CUL9: variants seen among roughly 807,000 people sequenced by gnomAD.
CUL9 encodes cullin 9.
CUL9 carries 79 observed loss-of-function variants against 272.6 expected under a neutral mutation model. The ratio of observed to expected loss-of-function variants is 0.29; its 90% CI spans 0.24 to 0.35. The LOEUF is 0.35. Ranked by LOEUF, CUL9 falls within the 10% of genes least tolerant of loss-of-function variation. The pLI is 1.00. For missense variants in CUL9, 2,532 were observed against 3,255.6 expected, an observed-to-expected ratio of 0.78 and a Z score of 5.41; for synonymous variants, 1,186 against 1,286.5, an observed-to-expected ratio of 0.92 and a Z score of 1.67.
chr6:43,203,547 G>A lies in CUL9; in HGVS notation c.3980G>A (p.Arg1327Gln), dbSNP rs751503492. The change falls in exon 19 of 41, where the codon CGG (arginine) becomes CAG (glutamine). Residue 1327 changes from arginine to glutamine, a missense_variant. By Grantham distance (43) the Arg-to-Gln change is conservative (BLOSUM62 1). Transcript: ENST00000252050. This position sits in a 1 kb window ranked among gnomAD's most constrained non-coding sequence, Gnocchi z 5.0. ...ACAATTCGGGCACAAGCCTGGAGCC[G>A]GGACATAGCAGAGGACCACCGGCGC... is the stretch of plus-strand genomic sequence containing the variant. Reference protein sequence around the residue: ...FYTIRAQAWSRDIAEDHRRLL... With the variant: ...FYTIRAQAWSQDIAEDHRRLL... The A allele has an allele frequency of 1.6e-5, 26 of 1,613,720 alleles. No homozygotes were observed. The highest frequency in any genetic ancestry group is 4.5e-5 in the East Asian group (2 of 44,884).
At chr6:43,205,570 C>A in intron 24 of CUL9, 147 bp downstream of exon 24, 1 of 881,938 alleles carries the variant, frequency 1.1e-6, no homozygotes, top group Non-Finnish European at 1.7e-6. Context: ...GTGGCTCACG[C>A]ATGTAATCCC....
rs1159680247 is a variant in CUL9 at position 43,187,843 on chromosome 6, A to G, written c.1712A>G (p.Lys571Arg). 3.1e-6 allele frequency: 5 copies of G among 1,613,900 alleles called. No homozygotes were observed. The highest frequency in any genetic ancestry group is 1.7e-5 in the Admixed American group (1 of 59,990). ...NDLLNSQIYT[K>R]YGLLSNEPSS... The stretch of plus-strand genomic sequence containing the variant: ...CTGCTCAACTCCCAGATCTACACCA[A>G]GTATGGGCTGCTGTCTAATGAACCA... The change falls in exon 7 of 41, where the codon AAG (lysine) becomes AGG (arginine). Residue 571 changes from lysine (K) to arginine (R), a missense_variant. Physicochemically the swap from Lys to Arg is conservative, Grantham distance 26 (BLOSUM62 2). This residue lies in a region of CUL9 where 2,218 missense variants were observed against 2,788.6 expected (regional missense o/e 0.80). Coordinates refer to ENST00000252050, the MANE Select transcript of CUL9 (RefSeq NM_015089.4).
chr6:43,198,877 C>T (rs773061222), intron 12 of CUL9, 22 bp downstream of exon 12: 1 of 1,605,772 alleles, frequency 6.2e-7, no homozygotes, highest in Non-Finnish European at 8.5e-7. Flanking sequence ...GTTGAGGCAC[C>T]ATGCATTGGG....
At chr6:43,198,504 A>G in intron 11 of CUL9, 105 bp from the exon 12 acceptor site, 1 of 1,533,814 alleles carries the variant, frequency 6.5e-7, no homozygotes, top group Non-Finnish European at 8.8e-7. Context: ...TCCTCAATAT[A>G]GAAGGAAAAT....
chr6:43,221,823 G>A lies in CUL9; in HGVS notation c.6846+45G>A, dbSNP rs766989104. Reference sequence around the variant, plus strand: ...GGGAGGGCAGAGGCCCAGAGCCGTCGGGGAGGGGTGCTGCTACCAGGTCCT... The same window carrying A: ...GGGAGGGCAGAGGCCCAGAGCCGTCAGGGAGGGGTGCTGCTACCAGGTCCT... On this transcript the variant is annotated intron_variant, in intron 35 of 40. Coordinates refer to ENST00000252050, the MANE Select transcript of CUL9 (RefSeq NM_015089.4). This position sits in a 1 kb window ranked among gnomAD's most constrained non-coding sequence, Gnocchi z 4.2. 147 of 1,542,158 alleles carry A rather than the reference G, an allele frequency of 9.5e-5. No individual in the cohort carries two copies. The highest frequency in any genetic ancestry group is 1.2e-4 in the Non-Finnish European group (139 of 1,126,896).
In CUL9 at chr6:43,221,005, T is replaced by C. The variant is rs1182851400; in HGVS notation, c.6588+94T>C. The C allele has an allele frequency of 1.6e-5, 24 of 1,484,174 alleles. No homozygotes were observed. Among genetic ancestry groups the C allele is most frequent in the Admixed American group, 2.2e-5 (1 of 46,502 alleles). The allele number at this position is 1,484,174 out of a possible 1,614,324, so 91.9% of individuals were successfully genotyped here. On this transcript the variant is annotated intron_variant, in intron 33 of 40. Transcript: ENST00000252050. This position sits in a 1 kb window ranked among gnomAD's most constrained non-coding sequence, Gnocchi z 4.2. The stretch of plus-strand genomic sequence containing the variant: ...CCCGCCACACACACAGACTGTGACT[T>C]GTCCTTCCTCAGCCTCTGCCACCCA...
At chr6:43,204,593 G>C (rs1582377360) in intron 21 of CUL9, 54 bp downstream of exon 21, 1 of 1,605,756 alleles carries the variant, frequency 6.2e-7, no homozygotes, top group Admixed American at 1.7e-5. Flanking sequence ...GGTGTATCTG[G>C]CTCCCTCCTC....
Position 43,185,363 on chromosome 6 carries a change from T to G in CUL9, c.596-93T>G. On this transcript the variant is annotated intron_variant, in intron 2 of 40. Coordinates refer to ENST00000252050, the MANE Select transcript of CUL9 (RefSeq NM_015089.4). ...TTCTGTGAGCCTTAGTAACAAAGTT[T>G]GAAAGCGTCTGGGGTAGGAGATAGA... The G allele has an allele frequency of 6.6e-6, 9 of 1,361,662 alleles. No homozygotes were observed. The East Asian group carries it at 1.4e-4, about 21-fold the overall frequency. The allele number at this position is 1,361,662 out of a possible 1,614,324, so 84.3% of individuals were successfully genotyped here.
At position 43,220,038 on chromosome 6, in the gene CUL9, G is replaced by T. The variant is rs141022177; in HGVS notation, c.6283-421G>T. On this transcript the variant is annotated intron_variant, in intron 31 of 40. Coordinates refer to ENST00000252050, the MANE Select transcript of CUL9 (RefSeq NM_015089.4). The surrounding 1 kb of genome is among the most constrained non-coding windows in gnomAD (Gnocchi z 4.9). Reference sequence around the variant, plus strand: ...CAGGAGCATCCGGACGGTCATTGGAGATAAGCCACTGGAGCTGGGAGGAGA... The same window carrying T: ...CAGGAGCATCCGGACGGTCATTGGATATAAGCCACTGGAGCTGGGAGGAGA... 6.6e-6 allele frequency among the ~76,000 whole-genome samples: 1 copy of T among 152,286 alleles called. No homozygotes were observed. The highest frequency in any genetic ancestry group is 1.5e-5 in the Non-Finnish European group (1 of 68,020).
Position 43,220,937 on chromosome 6 carries a change from C to T in CUL9, c.6588+26C>T, listed in dbSNP as rs1776311880. 2 of 1,583,132 alleles carry T rather than the reference C, an allele frequency of 1.3e-6. No homozygotes were observed. Among genetic ancestry groups the T allele is most frequent in the Non-Finnish European group, 1.7e-6 (2 of 1,163,182 alleles). ...GTGGGAGCCCCACACTGGCCCTGACCCTGAGCAAGGATTCACACTCCTTCC... is the reference window on the plus strand; with the variant it reads ...GTGGGAGCCCCACACTGGCCCTGACTCTGAGCAAGGATTCACACTCCTTCC... On this transcript the variant is annotated intron_variant, in intron 33 of 40. Transcript: ENST00000252050. This position sits in a 1 kb window ranked among gnomAD's most constrained non-coding sequence, Gnocchi z 4.9.
At position 43,204,341 on chromosome 6, in the gene CUL9, C is replaced by G; in HGVS notation, c.4160-19C>G. On this transcript the variant is annotated intron_variant, in intron 20 of 40. Coordinates refer to ENST00000252050, the MANE Select transcript of CUL9 (RefSeq NM_015089.4). ...TCCCATCTCCCATGGAGACCTGTTC[C>G]TGACCTGTCTTCTTTCAGATGCGGA... 3 of 1,612,842 alleles carry G rather than the reference C, an allele frequency of 1.9e-6. No homozygotes were observed. Among genetic ancestry groups the G allele is most frequent in the African/African-American group, 1.3e-5 (1 of 75,032 alleles).
rs1273286801 is a variant in CUL9 at position 43,221,329 on chromosome 6, G to C, written c.6752+8G>C. ...GAACGAGGGGTGCCTGCAGTAAGAA[G>C]GGGGGTACTGTGGGGAGCCAGAGGG... On this transcript the variant is annotated splice_region_variant and intron_variant, in intron 34 of 40. Transcript: ENST00000252050. The surrounding 1 kb of genome is among the most constrained non-coding windows in gnomAD (Gnocchi z 4.2). The C allele has an allele frequency of 2.1e-5, 34 of 1,598,926 alleles. No homozygotes were observed. The highest frequency in any genetic ancestry group is 2.7e-5 in the African/African-American group (2 of 74,194).
At chr6:43,195,242 T>C (rs1472193673) in intron 9 of CUL9, among the ~76,000 whole-genome samples, 2 of 152,218 alleles carry the variant, frequency 1.3e-5, no homozygotes, top group Non-Finnish European at 2.9e-5. Context: ...CCAGTCCATC[T>C]CTCATGGGTT....
Position 43,223,178 on chromosome 6 carries a change from T to G in CUL9, c.7151-86T>G. 1.4e-6 allele frequency: 2 copies of G among 1,480,244 alleles called. No individual in the cohort carries two copies. The highest frequency in any genetic ancestry group is 1.8e-6 in the Non-Finnish European group (2 of 1,101,086). 91.7% of individuals were successfully genotyped at this position (1,480,244 alleles called of 1,614,324 possible). On this transcript the variant is annotated intron_variant, in intron 38 of 40. Transcript: ENST00000252050. This position sits in a 1 kb window ranked among gnomAD's most constrained non-coding sequence, Gnocchi z 4.1. ...AATGTCTAGAGCTGCACCTGGTGCT[T>G]GGTAGACGTTCCATAGGTGTTTGTT...
intron 4 of CUL9, among the ~76,000 whole-genome samples, chr6:43,186,666 C>T (rs969230346): frequency 6.6e-6 from 1 of 152,044 alleles, no homozygotes; most frequent in African/African-American, 2.4e-5. Context: ...TCATGGGAGA[C>T]TCACCCAGGA....
In CUL9 at chr6:43,223,070, T is replaced by C. The variant is rs955926138; in HGVS notation, c.7150+174T>C. On this transcript the variant is annotated intron_variant, in intron 38 of 40. Coordinates refer to ENST00000252050, the MANE Select transcript of CUL9 (RefSeq NM_015089.4). The surrounding 1 kb of genome is among the most constrained non-coding windows in gnomAD (Gnocchi z 4.1). The stretch of plus-strand genomic sequence containing the variant: ...TAAAGCTCAGGTCGAAAGCCTACAT[T>C]GTAAGGTGCCCAAGGGCGCAGATGT... The C allele has an allele frequency of 2.1e-6, 2 of 930,564 alleles. No individual in the cohort carries two copies. The highest frequency in any genetic ancestry group is 5.2e-5 in the East Asian group (2 of 38,108). 57.6% of individuals were successfully genotyped at this position (930,564 alleles called of 1,614,324 possible).
rs1178009443 is a variant in CUL9, at chr6:43,218,698, G to C, written c.6283-1761G>C. ...GGACACATTTGGAAGTGGAGCTGACGGGAGTTGGTGGGTTAAATGTAGGGG... is the reference window on the plus strand; with the variant it reads ...GGACACATTTGGAAGTGGAGCTGACCGGAGTTGGTGGGTTAAATGTAGGGG... On this transcript the variant is annotated intron_variant, in intron 31 of 40. Transcript: ENST00000252050. This position sits in a 1 kb window ranked among gnomAD's most constrained non-coding sequence, Gnocchi z 4.4. Among the ~76,000 whole-genome samples, 1 of 152,148 alleles carries C rather than the reference G, an allele frequency of 6.6e-6. No homozygotes were observed.
intron 16 of CUL9, among the ~76,000 whole-genome samples, chr6:43,201,953 C>T (rs569062237): frequency 4.6e-4 from 70 of 152,324 alleles, no homozygotes; most frequent in African/African-American, 1.6e-3. Context: ...AGAAAGCTCA[C>T]TCTGGCAACT....
chr6:43,196,107 C>G lies in CUL9; in HGVS notation c.2427C>G (p.Ile809Met). 6.2e-7 allele frequency: 1 copy of G among 1,614,002 alleles called. No individual in the cohort carries two copies. Among genetic ancestry groups the G allele is most frequent in the Non-Finnish European group, 8.5e-7 (1 of 1,179,890 alleles). ...KMLAVASSSE[I>M]PTFVTGRDSI... ...TGGCCGTCGCCAGCTCCTCGGAGATCCCCACTTTTGTTACTGGCCGAGATT... is the reference window on the plus strand; with the variant it reads ...TGGCCGTCGCCAGCTCCTCGGAGATGCCCACTTTTGTTACTGGCCGAGATT... Residue 809 changes from isoleucine (I) to methionine (M), a missense_variant, in exon 10 of 41, where the codon ATC (isoleucine) becomes ATG (methionine). Transcript: ENST00000252050.
Sources: gnomAD v4.1 joint callset for allele counts (sites outside exome capture counted in the v4.1 genomes callset) on GRCh38, gnomAD v4.1.1 for gene constraint, gnomAD v4.1.1 regional missense constraint, Gnocchi (gnomAD v3.1) non-coding constraint, MANE v1.5 for transcripts, NCBI Gene and HGNC (gene_info 2026-07-23, HGNC 2026-07-21) for gene names.